Variants in PTGS1 observed in about 807,000 individuals in gnomAD.
PTGS1 encodes the protein prostaglandin G/H synthase 1.
PTGS1 carries 40 observed loss-of-function variants against 63.0 expected under a neutral mutation model. The ratio of observed to expected loss-of-function variants is 0.63; its 90% CI spans 0.49 to 0.83. The LOEUF is 0.83. PTGS1 is among the 40% of genes least tolerant of loss of function. The pLI is 0.00. For missense variants in PTGS1, 709 were observed against 786.5 expected (o/e 0.90, Z 1.18); for synonymous variants, 298 against 301.9 (o/e 0.99, Z 0.13).
At chr9:122,377,030 A>C (rs866311219) in intron 2 of PTGS1, among the ~76,000 whole-genome samples, 8 of 152,300 alleles carry the variant, frequency 5.3e-5, no homozygotes, top group Non-Finnish European at 7.4e-5. Flanking sequence ...TTCTAGCCCT[A>C]TCTCTCCTAT....
In PTGS1 at chr9:122,371,326, G is replaced by A; in HGVS notation, c.94+54G>A. 6 of 1,597,724 alleles carry A rather than the reference G, an allele frequency of 3.8e-6. No individual in the cohort carries two copies. The South Asian group carries it at 4.4e-5, about 12-fold the overall frequency. On this transcript the variant is annotated intron_variant, in intron 2 of 10. Coordinates refer to ENST00000362012, the MANE Select transcript of PTGS1 (RefSeq NM_000962.4). ...ATCCCCGGTCTTGCGCCCCTGGCCT[G>A]GTTTCAACCCCCTCCTTTCCCCTCC... is the stretch of plus-strand genomic sequence containing the variant.
intron 2 of PTGS1, chr9:122,375,316 G>A (rs1425944949): frequency 1.9e-5 from 19 of 985,382 alleles, no homozygotes; most frequent in Admixed American, 1.8e-4. Flanking sequence ...CAGCTTCAGC[G>A]TCTGGAGCTT....
intron 8 of PTGS1, 51 bp from the exon 9 acceptor site, chr9:122,386,395 A>G: frequency 3.2e-6 from 5 of 1,586,284 alleles, no homozygotes; most frequent in Non-Finnish European, 4.3e-6. Flanking sequence ...CAAGCTGGGC[A>G]TCTAAATCAC....
intron 2 of PTGS1, among the ~76,000 whole-genome samples, chr9:122,375,953 G>A (rs777773752): frequency 1.6e-4 from 25 of 152,164 alleles, no homozygotes; most frequent in Non-Finnish European, 1.0e-4. Context: ...CGGACCTTGT[G>A]TGCCAGGGTT....
chr9:122,375,286 G>T (rs1038480670), intron 2 of PTGS1: 145 of 985,356 alleles, frequency 1.5e-4, no homozygotes, highest in Middle Eastern at 5.2e-4. Context: ...TCTTGGCAGG[G>T]AGGGTGTGGG....
chr9:122,373,247 A>T (rs951886197), intron 2 of PTGS1, among the ~76,000 whole-genome samples: 3 of 152,184 alleles, frequency 2.0e-5, no homozygotes, highest in African/African-American at 4.8e-5. Context: ...TCCTGCAAGG[A>T]TCTAGGAAAG....
intron 7 of PTGS1, among the ~76,000 whole-genome samples, chr9:122,382,913 G>A (rs1019264056): frequency 2.6e-5 from 4 of 152,226 alleles, no homozygotes; most frequent in Admixed American, 1.3e-4. Context: ...TAAAGGATGA[G>A]GAGGAGTTAG....
chr9:122,386,464 T>C lies in PTGS1; in HGVS notation c.1028T>C (p.Val343Ala). Reference protein sequence around the residue: ...LILIGETIKIVIEEYVQQLSG... With the variant: ...LILIGETIKIAIEEYVQQLSG... ...TGCCCAGGGGAGACCATCAAGATTGTCATCGAGGAGTACGTGCAGCAGCTG... is the reference window on the plus strand; with the variant it reads ...TGCCCAGGGGAGACCATCAAGATTGCCATCGAGGAGTACGTGCAGCAGCTG... Residue 343 changes from valine to alanine, a missense_variant, in exon 9 of 11, where the codon GTC becomes GCC. Val to Ala is a moderately conservative substitution (Grantham distance 64). Transcript: ENST00000362012. The C allele has an allele frequency of 6.2e-7, 1 of 1,614,190 alleles. No individual in the cohort carries two copies. The highest frequency in any genetic ancestry group is 8.5e-7 in the Non-Finnish European group (1 of 1,180,032).
chr9:122,390,294 T>A lies in PTGS1; in HGVS notation c.1393T>A (p.Tyr465Asn). 6.2e-7 allele frequency: 1 copy of A among 1,614,068 alleles called. No individual in the cohort carries two copies. Among genetic ancestry groups the A allele is most frequent in the Non-Finnish European group, 8.5e-7 (1 of 1,180,024 alleles). The change falls in exon 10 of 11, where the codon TAC becomes AAC. Residue 465 changes from tyrosine to asparagine, a missense_variant. Tyr to Asn is a moderately radical substitution (Grantham distance 143). Coordinates refer to ENST00000362012, the MANE Select transcript of PTGS1 (RefSeq NM_000962.4). ...GATGCGGCTGCAGCCCTTCAATGAG[T>A]ACCGCAAGAGGTTTGGCATGAAACC... ...REMRLQPFNE[Y>N]RKRFGMKPYT... is the part of the protein sequence containing the mutation.
At chr9:122,378,602 G>T (rs1393534066) in intron 4 of PTGS1, 29 bp downstream of exon 4, 1 of 1,613,994 alleles carries the variant, frequency 6.2e-7, no homozygotes, top group Non-Finnish European at 8.5e-7. Context: ...CCCCTGACCT[G>T]GGGGAGCAAG....
At chr9:122,386,033 C>T (rs143270586) in intron 8 of PTGS1, among the ~76,000 whole-genome samples, 1 of 151,966 alleles carries the variant, frequency 6.6e-6, no homozygotes, top group East Asian at 1.9e-4. Context: ...GTGGCTCACA[C>T]TTGCAATTCC....
chr9:122,376,916 G>C (rs554360950), intron 2 of PTGS1, among the ~76,000 whole-genome samples: 1 of 152,194 alleles, frequency 6.6e-6, no homozygotes, highest in African/African-American at 2.4e-5. Context: ...AGGGGGTGGT[G>C]GTCTGAGGGA....
rs1016563469 is a variant in PTGS1, at chr9:122,390,321, T to C, written c.1420T>C (p.Tyr474His). 1 of 1,614,158 alleles carries C rather than the reference T, an allele frequency of 6.2e-7. No homozygotes were observed. Among genetic ancestry groups the C allele is most frequent in the Admixed American group, 1.7e-5 (1 of 60,026 alleles). Residue 474 changes from tyrosine (Y) to histidine (H), a missense_variant, in exon 10 of 11, where the codon TAC (tyrosine) becomes CAC (histidine). Coordinates refer to ENST00000362012, the MANE Select transcript of PTGS1 (RefSeq NM_000962.4). ...CCGCAAGAGGTTTGGCATGAAACCC[T>C]ACACCTCCTTCCAGGAGCTCGTAGG... is the stretch of plus-strand genomic sequence containing the variant. Reference protein sequence around the residue: ...EYRKRFGMKPYTSFQELVGEK... With the variant: ...EYRKRFGMKPHTSFQELVGEK...
intron 9 of PTGS1, among the ~76,000 whole-genome samples, chr9:122,388,823 A>G (rs1838033249): frequency 6.6e-6 from 1 of 152,182 alleles, no homozygotes; most frequent in African/African-American, 2.4e-5. Context: ...CAGTTATTGG[A>G]TTGGAGCCCA....
intron 2 of PTGS1, chr9:122,371,486 A>C: frequency 7.9e-7 from 1 of 1,272,120 alleles, no homozygotes; most frequent in East Asian, 2.5e-5. Flanking sequence ...CTTTCAGGGG[A>C]AACAGCAGAC....
rs892315565 is a variant in PTGS1 at position 122,377,836 on chromosome 9, G to A, written c.95-63G>A. Reference sequence around the variant, plus strand: ...CTCTGGCCCCTCATTCCCCCATCAGGGGCTAGATGGGGGTCAGGAGGCCAC... The same window carrying A: ...CTCTGGCCCCTCATTCCCCCATCAGAGGCTAGATGGGGGTCAGGAGGCCAC... On this transcript the variant is annotated intron_variant, in intron 2 of 10. Coordinates refer to ENST00000362012, the MANE Select transcript of PTGS1 (RefSeq NM_000962.4). The A allele has an allele frequency of 3.5e-5, 49 of 1,404,488 alleles. No individual in the cohort carries two copies. The Admixed American group carries it at 4.9e-4, about 14-fold the overall frequency. The allele number at this position is 1,404,488 out of a possible 1,614,324, so 87.0% of individuals were successfully genotyped here.
rs200668016 is a variant in PTGS1, at chr9:122,392,874, T to G, written c.*330T>G. The G allele has an allele frequency of 4.3e-6, 1 of 230,460 alleles. No individual in the cohort carries two copies. The allele number at this position is 230,460 out of a possible 1,614,324, so 14.3% of individuals were successfully genotyped here. On this transcript the variant is annotated 3_prime_UTR_variant, in exon 11 of 11. Transcript: ENST00000362012. ...TCATTCTAGGATGTGGAGCTACTGA[T>G]GAAATCTGCTAGAAAGTTAGGGGGT...
Position 122,383,685 on chromosome 9 carries a change from C to T in PTGS1, c.939C>T (p.Asp313=). 6.2e-7 allele frequency: 1 copy of T among 1,614,100 alleles called. No homozygotes were observed. The highest frequency in any genetic ancestry group is 8.5e-7 in the Non-Finnish European group (1 of 1,180,032). Residue 313 remains aspartate (D), a synonymous_variant, in exon 8 of 11, where the codon GAC becomes GAT. Transcript: ENST00000362012. Reference sequence around the variant, plus strand: ...TACGTGAGCACAACCGTGTGTGTGACCTGCTGAAGGCTGAGCACCCCACCT... The same window carrying T: ...TACGTGAGCACAACCGTGTGTGTGATCTGCTGAAGGCTGAGCACCCCACCT... The part of the protein sequence containing the change: ...LWLREHNRVC[D]LLKAEHPTWG...
At chr9:122,389,921 C>T (rs1564145296) in intron 9 of PTGS1, among the ~76,000 whole-genome samples, 1 of 151,636 alleles carries the variant, frequency 6.6e-6, no homozygotes, top group Admixed American at 6.6e-5. Flanking sequence ...AAGATCATGC[C>T]ACTGCACTCC....
Sources: gnomAD v4.1 joint callset for allele counts (sites outside exome capture counted in the v4.1 genomes callset) on GRCh38, gnomAD v4.1.1 for gene constraint, MANE v1.5 for transcripts, NCBI Gene and HGNC (gene_info 2026-07-23, HGNC 2026-07-21) for gene names.